NAV3: variants seen among roughly 807,000 people sequenced by gnomAD.
NAV3 encodes pore membrane and/or filament interacting like protein 1.
A neutral mutation model predicts 244.7 loss-of-function variants in NAV3; 87 were observed. The observed-to-expected ratio is 0.36, with a 90% CI of 0.30 to 0.42. The LOEUF is 0.42. Among genes scored for constraint, NAV3 ranks in the 20% least tolerant of loss-of-function variants. The probability of loss-of-function intolerance (pLI) is 1.00; values close to 1 mark genes in which losing one functional copy is unlikely to be tolerated. For missense variants in NAV3, 2,663 were observed against 2,893.3 expected, an observed-to-expected ratio of 0.92 and a Z score of 1.83; for synonymous variants, 1,126 against 1,042.2, an observed-to-expected ratio of 1.08 and a Z score of -1.55.
chr12:77,834,886 A>G (rs1335114895), intron 1 of NAV3, among the ~76,000 whole-genome samples: 7 of 152,120 alleles, frequency 4.6e-5, no homozygotes. Context: ...TTTTGGGAAA[A>G]AAAAAAAAAC....
At chr12:78,010,454 T>G (rs907488978) in intron 8 of NAV3, among the ~76,000 whole-genome samples, 20 of 152,188 alleles carry the variant, frequency 1.3e-4, no homozygotes, top group Non-Finnish European at 4.4e-5. Context: ...GTGAATTTTC[T>G]CATTTAAACT....
chr12:78,167,467 G>T (rs573895751), intron 23 of NAV3, among the ~76,000 whole-genome samples: 6 of 151,178 alleles, frequency 4.0e-5, no homozygotes, highest in African/African-American at 1.2e-4. Context: ...AGATATATGA[G>T]GTGCCAGGTA....
chr12:78,039,723 G>A (rs945512914), intron 9 of NAV3, among the ~76,000 whole-genome samples: 1 of 151,992 alleles, frequency 6.6e-6, no homozygotes, highest in Non-Finnish European at 1.5e-5. Flanking sequence ...AGATTAAATG[G>A]TCTGTCTGCC....
intron 35 of NAV3, among the ~76,000 whole-genome samples, chr12:78,198,200 G>T (rs1357214123): frequency 6.6e-6 from 1 of 151,640 alleles, no homozygotes; most frequent in African/African-American, 2.4e-5. Context: ...AGGAATGAAA[G>T]AATACAAATT....
chr12:77,614,801 G>A (rs1592505464), intron 2 of NAV3, among the ~76,000 whole-genome samples: 1 of 152,138 alleles, frequency 6.6e-6, no homozygotes, highest in South Asian at 2.1e-4. Context: ...TTAGCCCAGC[G>A]ATTGGTGCAT....
At chr12:77,902,387 T>TA (rs1215238579) in intron 1 of NAV3, among the ~76,000 whole-genome samples, 2 of 152,220 alleles carry the variant, frequency 1.3e-5, no homozygotes, top group African/African-American at 4.8e-5. Flanking sequence ...AGTAAAGAGA[T>TA]ACATCCCATC....
chr12:78,045,291 G>T lies in NAV3; in HGVS notation c.2024-4702G>T, dbSNP rs1337327507. Among the ~76,000 whole-genome samples, 7 of 152,168 alleles carry T rather than the reference G, an allele frequency of 4.6e-5. 1 individual carries two copies. The East Asian group carries it at 9.7e-4, about 21-fold the overall frequency. ...CCAGCAATGAACCCAACTTGATCGT[G>T]GTGGATAAGCTTTTTTTTTGTTGAG... On this transcript the variant is annotated intron_variant, in intron 9 of 39. Transcript: ENST00000397909.
intron 2 of NAV3, among the ~76,000 whole-genome samples, chr12:77,773,804 T>C (rs939187040): frequency 3.3e-5 from 5 of 152,186 alleles, no homozygotes; most frequent in Non-Finnish European, 7.3e-5. Flanking sequence ...CACTTAATTG[T>C]GTAATTACAC....
At chr12:78,162,518 TC>T (rs1335607108) in intron 23 of NAV3, among the ~76,000 whole-genome samples, 2 of 151,944 alleles carry the variant, frequency 1.3e-5, no homozygotes, top group African/African-American at 4.8e-5. Context: ...TATATATGTA[TC>T]TCTTTATCAT....
chr12:77,938,313 A>G lies in NAV3; in HGVS notation c.244-2006A>G, dbSNP rs151055864. ...AATCAAATCTTAACTGAGAAAAATT[A>G]TTACCAAATAAAAGCATCCACCTAA... On this transcript the variant is annotated intron_variant, in intron 1 of 39. Coordinates refer to ENST00000397909, the MANE Select transcript of NAV3 (RefSeq NM_001024383.2). Among the ~76,000 whole-genome samples the G allele has an allele frequency of 2.6e-5, 4 of 152,334 alleles. No individual in the cohort carries two copies. In the East Asian group the frequency reaches 7.7e-4, roughly 29 times the overall value.
chr12:77,843,410 TG>T (rs1300895336), intron 1 of NAV3, among the ~76,000 whole-genome samples: 1 of 152,006 alleles, frequency 6.6e-6, no homozygotes, highest in Admixed American at 6.6e-5. Context: ...TGTGTGTGTG[TG>T]TGTGTGTGTT....
At chr12:77,770,115 T>C (rs1463207525) in intron 2 of NAV3, among the ~76,000 whole-genome samples, 1 of 152,144 alleles carries the variant, frequency 6.6e-6, no homozygotes, top group Non-Finnish European at 1.5e-5. Flanking sequence ...AGGCTAGAGC[T>C]CAACAGAGTG....
rs1192662609 is a variant in NAV3 at position 78,202,112 on chromosome 12, TA to T, written c.6834+1525del. Among the ~76,000 whole-genome samples the T allele has an allele frequency of 5.3e-5, 8 of 151,964 alleles. No homozygotes were observed. In the South Asian group the frequency reaches 1.7e-3, roughly 32 times the overall value. On this transcript the variant is annotated intron_variant, in intron 38 of 39. Coordinates refer to ENST00000397909, the MANE Select transcript of NAV3 (RefSeq NM_001024383.2). ...ATCTACCCCAAGCAGAAGCCTCCAA[TA>T]AAATAAAAGCTTATACAGATGTTTT...
intron 2 of NAV3, among the ~76,000 whole-genome samples, chr12:77,671,499 C>T (rs1334373123): frequency 6.6e-6 from 1 of 152,076 alleles, no homozygotes; most frequent in Non-Finnish European, 1.5e-5. Context: ...CATCATATTA[C>T]CTGACTTCAA....
intron 2 of NAV3, among the ~76,000 whole-genome samples, chr12:77,595,831 T>C (rs146236832): frequency 1.3e-5 from 2 of 152,296 alleles, no homozygotes; most frequent in Non-Finnish European, 2.9e-5. Flanking sequence ...AATATAAAAA[T>C]ATGAAGTATA....
chr12:77,882,018 G>A (rs1274852036), intron 1 of NAV3, among the ~76,000 whole-genome samples: 1 of 151,990 alleles, frequency 6.6e-6, no homozygotes, highest in African/African-American at 2.4e-5. Flanking sequence ...TTTTAAAGAT[G>A]CAATGCTATT....
intron 1 of NAV3, among the ~76,000 whole-genome samples, chr12:77,870,216 T>C (rs951594913): frequency 6.6e-6 from 1 of 151,670 alleles, no homozygotes; most frequent in African/African-American, 2.4e-5. Context: ...AATACAAAAA[T>C]TACCTCAGTA....
intron 2 of NAV3, among the ~76,000 whole-genome samples, chr12:77,704,174 T>G (rs550385446): frequency 6.6e-6 from 1 of 152,296 alleles, no homozygotes; most frequent in East Asian, 1.9e-4. Context: ...CATTTCTAAA[T>G]TAGATAAAAA....
intron 3 of NAV3, among the ~76,000 whole-genome samples, chr12:77,945,397 AGTAT>A (rs998037920): frequency 2.6e-5 from 4 of 152,222 alleles, no homozygotes; most frequent in African/African-American, 9.6e-5. Context: ...ACTTGAAAAA[AGTAT>A]GTATGTAACA....
Sources: gnomAD v4.1 joint callset for allele counts (sites outside exome capture counted in the v4.1 genomes callset) on GRCh38, gnomAD v4.1.1 for gene constraint, MANE v1.5 for transcripts, NCBI Gene and HGNC (gene_info 2026-07-23, HGNC 2026-07-21) for gene names.